The following OSMR variants were observed in gnomAD, a reference collection of about 807,000 sequenced individuals.
The protein encoded by OSMR is oncostatin-M-specific receptor subunit beta.
In OSMR, 81 loss-of-function variants were observed where a neutral mutation model predicts 99.9. The ratio of observed to expected loss-of-function variants is 0.81; its 90% CI spans 0.68 to 0.97. OSMR has a LOEUF of 0.97. Among genes scored for constraint, OSMR ranks in the 50% least tolerant of loss-of-function variants. OSMR has a pLI of 0.00. For synonymous variants in OSMR, 406 were observed against 410.4 expected (o/e 0.99, Z 0.13); for missense variants, 1,099 against 1,153.4 (o/e 0.95, Z 0.68).
intron 1 of OSMR, chr5:38,942,269 T>C (rs912836417): frequency 8.2e-7 from 1 of 1,226,072 alleles, no homozygotes; most frequent in Non-Finnish European, 1.2e-6. Flanking sequence ...TATGAATATA[T>C]ATAGTATGTA....
At chr5:38,879,253 G>T (rs1001804441) in intron 3 of OSMR, among the ~76,000 whole-genome samples, 1 of 152,264 alleles carries the variant, frequency 6.6e-6, no homozygotes, top group African/African-American at 2.4e-5. Flanking sequence ...CTGAAAGCCC[G>T]CTGTGGTGCT....
rs187050448 is a variant in OSMR, at chr5:38,909,534, T to G, written c.1285+5031T>G. 9.7e-4 allele frequency among the ~76,000 whole-genome samples: 148 copies of G among 152,284 alleles called. 1 individual carries two copies. The highest frequency in any genetic ancestry group is 3.5e-3 in the African/African-American group (145 of 41,566). The stretch of plus-strand genomic sequence containing the variant: ...ACCCCATCACGCTAACAGTGGACTT[T>G]TCATCAGAAATGCTACAAGCCAAAA... On this transcript the variant is annotated intron_variant, in intron 9 of 17. Coordinates refer to ENST00000274276, the MANE Select transcript of OSMR (RefSeq NM_003999.3).
intron 2 of OSMR, among the ~76,000 whole-genome samples, chr5:38,875,149 G>A (rs770205417): frequency 1.6e-4 from 25 of 152,218 alleles, no homozygotes; most frequent in Admixed American, 1.4e-3. Context: ...TACGCCATGA[G>A]TCATCAGATA....
chr5:38,942,647 G>A (rs539798490), intron 1 of OSMR, among the ~76,000 whole-genome samples: 2 of 151,058 alleles, frequency 1.3e-5, no homozygotes, highest in South Asian at 2.1e-4. Context: ...GTGTTGACAC[G>A]GTCTCACTAT....
chr5:38,864,031 T>C (rs950841368), intron 1 of OSMR, among the ~76,000 whole-genome samples: 7 of 152,208 alleles, frequency 4.6e-5, no homozygotes, highest in African/African-American at 1.7e-4. Context: ...TCACTTTCAG[T>C]CTATATGTAT....
At chr5:38,848,270 A>G (rs1309806454) in intron 1 of OSMR, among the ~76,000 whole-genome samples, 13 of 152,020 alleles carry the variant, frequency 8.6e-5, no homozygotes, top group African/African-American at 7.2e-5. Flanking sequence ...AAATGGGGGG[A>G]AAAAAACCCA....
In OSMR at chr5:38,904,404, C is replaced by A; in HGVS notation, c.1186C>A (p.Pro396Thr). Residue 396 changes from proline (P) to threonine (T), a missense_variant, in exon 9 of 18, where the codon CCT becomes ACT. Physicochemically the swap from Pro to Thr is conservative, Grantham distance 38. Coordinates refer to ENST00000274276, the MANE Select transcript of OSMR (RefSeq NM_003999.3). ...TGAGTACTTCTTAAGTGAACTGGAACCTGCCACAGAGTACATGGCGCGAGT... is the reference window on the plus strand; with the variant it reads ...TGAGTACTTCTTAAGTGAACTGGAAACTGCCACAGAGTACATGGCGCGAGT... The part of the protein sequence containing the change: ...NGEYFLSELE[P>T]ATEYMARVRC... 6.2e-7 allele frequency: 1 copy of A among 1,614,112 alleles called. No homozygotes were observed.
chr5:38,873,910 G>T (rs970730175), intron 2 of OSMR, among the ~76,000 whole-genome samples: 2 of 152,038 alleles, frequency 1.3e-5, no homozygotes, highest in Admixed American at 1.3e-4. Flanking sequence ...ACGGTTCACT[G>T]CAGCCTCTGT....
At position 38,924,440 on chromosome 5, in the gene OSMR, A is replaced by C; in HGVS notation, c.1889A>C (p.His630Pro). The change falls in exon 14 of 18, where the codon CAC becomes CCC. Residue 630 changes from histidine to proline, a missense_variant. His to Pro is a moderately conservative substitution (Grantham distance 77). Coordinates refer to ENST00000274276, the MANE Select transcript of OSMR (RefSeq NM_003999.3). ...TTCCTAGCTCCTTCAGACAACCCTCACGTGCTGGTGGATACATTGACATCC... is the reference window on the plus strand; with the variant it reads ...TTCCTAGCTCCTTCAGACAACCCTCCCGTGCTGGTGGATACATTGACATCC... ...SQELAPSDNP[H>P]VLVDTLTSHS... 1.9e-6 allele frequency: 3 copies of C among 1,613,964 alleles called. No individual in the cohort carries two copies. Among genetic ancestry groups the C allele is most frequent in the Non-Finnish European group, 2.5e-6 (3 of 1,179,974 alleles).
At chr5:38,897,801 T>C (rs2112496795) in intron 7 of OSMR, among the ~76,000 whole-genome samples, 1 of 152,264 alleles carries the variant, frequency 6.6e-6, no homozygotes, top group East Asian at 1.9e-4. Context: ...ATCTTATAGG[T>C]TTTGGTGCAT....
chr5:38,895,131 C>T (rs1744421348), intron 7 of OSMR, among the ~76,000 whole-genome samples: 1 of 152,010 alleles, frequency 6.6e-6, no homozygotes, highest in Non-Finnish European at 1.5e-5. Flanking sequence ...TGCTAAATGC[C>T]TGCATCAAGA....
At chr5:38,885,814 C>G (rs1743691708) in intron 6 of OSMR, 1 of 925,916 alleles carries the variant, frequency 1.1e-6, no homozygotes, top group Admixed American at 6.2e-5. Flanking sequence ...GTTCTTGCCA[C>G]CCACGGGGAG....
chr5:38,906,198 A>T (rs1475559551), intron 9 of OSMR, among the ~76,000 whole-genome samples: 6 of 151,676 alleles, frequency 4.0e-5, no homozygotes, highest in Non-Finnish European at 5.9e-5. Context: ...TTATTCCAAC[A>T]TAACTAAAAT....
Position 38,917,138 on chromosome 5 carries a change from C to G in OSMR, c.1286-408C>G, listed in dbSNP as rs145929069. Among the ~76,000 whole-genome samples, 497 of 152,254 alleles carry G rather than the reference C, an allele frequency of 3.3e-3. 4 individuals carry two copies. The highest frequency in any genetic ancestry group is 0.011 in the African/African-American group (461 of 41,540). On this transcript the variant is annotated intron_variant, in intron 9 of 17. Coordinates refer to ENST00000274276, the MANE Select transcript of OSMR (RefSeq NM_003999.3). ...ACTTGAGGAAGAACGCATCCTGCCC[C>G]TAGCGGGTTCCCCATCACTGTGTCT...
chr5:38,931,211 A>T (rs7724222), intron 15 of OSMR, among the ~76,000 whole-genome samples: 56,713 of 151,936 alleles, frequency 0.37, 10,907 homozygotes, highest in East Asian at 0.47. Context: ...GGAGTGCACT[A>T]GTCAATTTTT....
chr5:38,913,156 A>G (rs1489980172), intron 9 of OSMR, among the ~76,000 whole-genome samples: 1 of 152,178 alleles, frequency 6.6e-6, no homozygotes, highest in African/African-American at 2.4e-5. Flanking sequence ...AGAATGTGAG[A>G]AACTATTTGT....
intron 15 of OSMR, among the ~76,000 whole-genome samples, chr5:38,928,087 T>C (rs564665274): frequency 1.3e-5 from 2 of 152,330 alleles, no homozygotes; most frequent in African/African-American, 4.8e-5. Context: ...ATTGTTCATA[T>C]CACTATCAGC....
Position 38,885,443 on chromosome 5 carries a change from G to A in OSMR, c.798G>A (p.Gly266=), listed in dbSNP as rs760944325. The A allele has an allele frequency of 6.2e-7, 1 of 1,614,076 alleles. No homozygotes were observed. Among genetic ancestry groups the A allele is most frequent in the South Asian group, 1.1e-5 (1 of 91,076 alleles). ...ATCCTGGGACGGACACTGCCTTGGG[G>A]TGGTCTAAACAACCTTCCCAAAGCT... ...TWDPGTDTAL[G]WSKQPSQSYT... is the part of the protein sequence containing the mutation. Residue 266 remains glycine, a synonymous_variant, in exon 6 of 18, where the codon GGG becomes GGA. Coordinates refer to ENST00000274276, the MANE Select transcript of OSMR (RefSeq NM_003999.3).
intron 7 of OSMR, among the ~76,000 whole-genome samples, chr5:38,895,068 C>A (rs959801559): frequency 4.6e-5 from 7 of 151,748 alleles, no homozygotes; most frequent in African/African-American, 1.7e-4. Context: ...AGAGACATAA[C>A]ATACCAAAAT....
Sources: allele counts gnomAD v4.1 joint callset (sites outside exome capture counted in the v4.1 genomes callset), GRCh38; gene constraint gnomAD v4.1.1; transcripts MANE v1.5; gene names NCBI Gene and HGNC (gene_info 2026-07-23, HGNC 2026-07-21).